Variants in COQ3 observed in about 807,000 individuals in gnomAD.
COQ3 encodes ubiquinone biosynthesis O-methyltransferase, mitochondrial.
Under a neutral mutation model 33.1 loss-of-function variants are expected in COQ3, and 29 were observed. The observed-to-expected ratio is 0.88, with a 90% CI of 0.65 to 1.19. The LOEUF (loss-of-function observed/expected upper bound fraction) is 1.19. Ranked by LOEUF, COQ3 falls within the 50% of genes most tolerant of loss-of-function variation. The pLI, the probability that COQ3 is intolerant of heterozygous loss-of-function variation, is 0.00. For missense variants in COQ3, 437 were observed against 430.7 expected, an observed-to-expected ratio of 1.01 and a Z score of -0.13; for synonymous variants, 173 against 157.8, an observed-to-expected ratio of 1.10 and a Z score of -0.72.
At chr6:99,370,276 G>A (rs1235639875) in intron 6 of COQ3, among the ~76,000 whole-genome samples, 1 of 149,924 alleles carries the variant, frequency 6.7e-6, no homozygotes, top group Non-Finnish European at 1.5e-5. Flanking sequence ...ACAGGAGATT[G>A]TCCCCATAAC....
intron 1 of COQ3, among the ~76,000 whole-genome samples, chr6:99,389,698 C>T (rs1053756369): frequency 3.3e-5 from 5 of 152,146 alleles, no homozygotes; most frequent in Admixed American, 2.0e-4. Flanking sequence ...TTTCTCTTCA[C>T]CTACCAACAT....
At chr6:99,392,390 T>C (rs1410673268) in intron 1 of COQ3, among the ~76,000 whole-genome samples, 1 of 152,206 alleles carries the variant, frequency 6.6e-6, no homozygotes, top group African/African-American at 2.4e-5. Flanking sequence ...TTCTTAAACA[T>C]AAATCTGTTC....
intron 2 of COQ3, among the ~76,000 whole-genome samples, chr6:99,382,468 T>A (rs1401536131): frequency 2.0e-5 from 3 of 152,228 alleles, no homozygotes; most frequent in Admixed American, 2.0e-4. Flanking sequence ...AAGATTCAAG[T>A]GTCATTCCTC....
At chr6:99,385,930 T>C (rs966835972) in intron 1 of COQ3, among the ~76,000 whole-genome samples, 4 of 141,360 alleles carry the variant, frequency 2.8e-5, no homozygotes, top group Non-Finnish European at 4.5e-5. Context: ...TGAGCCAAGA[T>C]TGCGCCACTG....
chr6:99,371,535 G>A lies in COQ3; in HGVS notation c.782C>T (p.Ala261Val), dbSNP rs1371758893. The change falls in exon 6 of 7, where the codon GCC becomes GTC. Residue 261 changes from alanine to valine, a missense_variant. By Grantham distance (64) the Ala-to-Val change is moderately conservative. Transcript: ENST00000254759. ...TTINKTQLSY[A>V]LGIVFSEQIA... is the part of the protein sequence containing the mutation. Reference sequence around the variant, plus strand: ...TTGCTCTGAAAAAACAATTCCCAAGGCATAGGAAAGTTGTGTTTTGTTGAT... The same window carrying A: ...TTGCTCTGAAAAAACAATTCCCAAGACATAGGAAAGTTGTGTTTTGTTGAT... The A allele has an allele frequency of 6.2e-7, 1 of 1,606,882 alleles. No homozygotes were observed. Among genetic ancestry groups the A allele is most frequent in the South Asian group, 1.1e-5 (1 of 89,782 alleles).
chr6:99,376,057 G>C lies in COQ3; in HGVS notation c.612C>G (p.Ser204=), dbSNP rs557147548. ...LDKRIEYRVC[S]LEEIVEETAE... ...CAGTCTCTTCCACAATCTCTTCCAG[G>C]GAACACACTCTGTACTCTATTCTCT... The change falls in exon 5 of 7, where the codon TCC becomes TCG. Residue 204 remains serine (S), a synonymous_variant. Coordinates refer to ENST00000254759, the MANE Select transcript of COQ3 (RefSeq NM_017421.4). 2.9e-5 allele frequency: 47 copies of C among 1,614,010 alleles called. No individual in the cohort carries two copies. The highest frequency in any genetic ancestry group is 3.9e-5 in the Non-Finnish European group (46 of 1,179,992).
At chr6:99,375,386 C>CTTT (rs895746698) in intron 5 of COQ3, among the ~76,000 whole-genome samples, 1 of 139,106 alleles carries the variant, frequency 7.2e-6, no homozygotes, top group Non-Finnish European at 1.6e-5. Context: ...CAATATTTTT[C>CTTT]TTTTTTTTTT....
chr6:99,377,062 T>C (rs1774305645), intron 4 of COQ3, among the ~76,000 whole-genome samples: 1 of 148,920 alleles, frequency 6.7e-6, no homozygotes, highest in African/African-American at 2.5e-5. Flanking sequence ...CAGGCTGGAG[T>C]GCAGTGGCTC....
chr6:99,387,936 G>A lies in COQ3; in HGVS notation c.107-4112C>T, dbSNP rs542484587. On this transcript the variant is annotated intron_variant, in intron 1 of 6. Coordinates refer to ENST00000254759, the MANE Select transcript of COQ3 (RefSeq NM_017421.4). The stretch of plus-strand genomic sequence containing the variant: ...TCCCAGCACTTTGGGAGGCCGAGGC[G>A]GGTGGATCACCCGAGGTTGGGAGTT... Among the ~76,000 whole-genome samples, 502 of 151,996 alleles carry A rather than the reference G, an allele frequency of 3.3e-3. 3 individuals carry two copies. Among genetic ancestry groups the A allele is most frequent in the African/African-American group, 0.012 (487 of 41,446 alleles).
intron 1 of COQ3, among the ~76,000 whole-genome samples, chr6:99,388,887 ACACG>A (rs1242241857): frequency 6.9e-4 from 33 of 47,586 alleles, no homozygotes; most frequent in African/African-American, 2.2e-3. Context: ...ACTAATGTAT[ACACG>A]CACACACACA....
chr6:99,371,392 G>T, intron 6 of COQ3, 36 bp downstream of exon 6: 3 of 1,458,358 alleles, frequency 2.1e-6, no homozygotes, highest in Middle Eastern at 2.0e-4. Flanking sequence ...GTTCAGCTAG[G>T]CCTGGAAAAT....
At chr6:99,384,374 A>C (rs997061035) in intron 1 of COQ3, among the ~76,000 whole-genome samples, 7 of 152,224 alleles carry the variant, frequency 4.6e-5, no homozygotes, top group Non-Finnish European at 8.8e-5. Context: ...CAAGTAATGC[A>C]TCTGTTTATA....
intron 5 of COQ3, among the ~76,000 whole-genome samples, chr6:99,374,565 C>T (rs144976564): frequency 1.4e-4 from 22 of 152,232 alleles, no homozygotes; most frequent in African/African-American, 3.1e-4. Context: ...AATATGTGAA[C>T]GACAGAGTCA....
intron 1 of COQ3, among the ~76,000 whole-genome samples, chr6:99,389,114 T>A (rs1774750396): frequency 6.6e-6 from 1 of 151,610 alleles, no homozygotes; most frequent in South Asian, 2.1e-4. Context: ...GTGTTTGGGG[T>A]TTTTGTTTTG....
At chr6:99,375,914 C>G (rs377294880) in intron 5 of COQ3, 26 bp downstream of exon 5, 30 of 1,611,414 alleles carry the variant, frequency 1.9e-5, no homozygotes, top group Non-Finnish European at 2.5e-5. Flanking sequence ...AAGAAGAAAC[C>G]AAGATGTAAA....
intron 6 of COQ3, among the ~76,000 whole-genome samples, chr6:99,370,279 C>T (rs940534602): frequency 2.6e-5 from 4 of 151,858 alleles, no homozygotes; most frequent in Non-Finnish European, 5.9e-5. Context: ...GGAGATTGTC[C>T]CCATAACACA....
intron 2 of COQ3, among the ~76,000 whole-genome samples, chr6:99,380,920 A>T (rs1156431104): frequency 1.3e-5 from 2 of 151,874 alleles, no homozygotes; most frequent in Non-Finnish European, 2.9e-5. Flanking sequence ...ATAAATAAAT[A>T]AATAATAATA....
chr6:99,388,886 TACACGC>T (rs1376227406), intron 1 of COQ3, among the ~76,000 whole-genome samples: 4 of 79,684 alleles, frequency 5.0e-5, no homozygotes, highest in South Asian at 4.4e-4. Context: ...CACTAATGTA[TACACGC>T]ACACACACAC....
rs1774080472 is a variant in COQ3, at chr6:99,369,949, A to T, written c.890-129T>A. 3 of 641,372 alleles carry T rather than the reference A, an allele frequency of 4.7e-6. No homozygotes were observed. The South Asian group carries it at 6.0e-5, about 13-fold the overall frequency. 39.7% of individuals were successfully genotyped at this position (641,372 alleles called of 1,614,324 possible). A position where few individuals can be genotyped will look rare whatever the true frequency, so the allele number is the denominator to read the frequency against. ...TAAATGGATAGGAAAAGAAGAAAAA[A>T]AAAGGATTCCTAACTTAATGGGCAA... On this transcript the variant is annotated intron_variant, in intron 6 of 6. Transcript: ENST00000254759.
Sources: allele counts gnomAD v4.1 joint callset (sites outside exome capture counted in the v4.1 genomes callset), GRCh38; gene constraint gnomAD v4.1.1; transcripts MANE v1.5; gene names NCBI Gene and HGNC (gene_info 2026-07-23, HGNC 2026-07-21).